Variants in ABLIM3 observed in about 807,000 individuals in gnomAD.
The protein encoded by ABLIM3 is actin binding LIM protein family member 3.
A neutral mutation model predicts 109.5 loss-of-function variants in ABLIM3; 61 were observed. The ratio of observed to expected loss-of-function variants is 0.56; its 90% CI spans 0.45 to 0.69. The LOEUF (loss-of-function observed/expected upper bound fraction) is 0.69. Among genes scored for constraint, ABLIM3 ranks in the 30% least tolerant of loss-of-function variants. The probability of loss-of-function intolerance (pLI) is 0.00; values close to 1 mark genes in which losing one functional copy is unlikely to be tolerated. For synonymous variants in ABLIM3, 300 were observed against 324.8 expected (o/e 0.92, Z 0.82); for missense variants, 796 against 889.5 (o/e 0.89, Z 1.34).
intron 2 of ABLIM3, among the ~76,000 whole-genome samples, chr5:149,146,629 A>G (rs1390227378): frequency 6.6e-6 from 1 of 152,112 alleles, no homozygotes; most frequent in Non-Finnish European, 1.5e-5. Context: ...GGCTGTAGGT[A>G]TGTGGCTTTA....
At chr5:149,209,238 C>T (rs147873151) in intron 6 of ABLIM3, among the ~76,000 whole-genome samples, 2 of 152,202 alleles carry the variant, frequency 1.3e-5, no homozygotes, top group Admixed American at 1.3e-4. Flanking sequence ...CAGAGCTCCT[C>T]TCAAGGAGGC....
At chr5:149,173,716 A>G (rs1356007137) in intron 2 of ABLIM3, among the ~76,000 whole-genome samples, 1 of 152,122 alleles carries the variant, frequency 6.6e-6, no homozygotes, top group Non-Finnish European at 1.5e-5. Context: ...GGCCAGGGGT[A>G]AGGCAAAAAC....
At chr5:149,149,899 C>T (rs994250463) in intron 2 of ABLIM3, among the ~76,000 whole-genome samples, 2 of 152,178 alleles carry the variant, frequency 1.3e-5, no homozygotes, top group African/African-American at 4.8e-5. Context: ...ACAACTGCCC[C>T]TAGCTGGACC....
Position 149,207,116 on chromosome 5 carries a change from C to T in ABLIM3, c.557C>T (p.Thr186Ile), listed in dbSNP as rs755541484. ...TGCCAGACCTGCAGCGTCATCCTCA[C>T]CGGGGAGTATATCAGCAAGTGGGTC... ...FKCQTCSVIL[T>I]GEYISKDGVP... Residue 186 changes from threonine to isoleucine, a missense_variant, in exon 6 of 24, where the codon ACC becomes ATC. Coordinates refer to ENST00000309868, the MANE Select transcript of ABLIM3 (RefSeq NM_014945.5). The T allele has an allele frequency of 6.2e-7, 1 of 1,613,864 alleles. No individual in the cohort carries two copies. The highest frequency in any genetic ancestry group is 1.7e-5 in the Admixed American group (1 of 59,984).
intron 6 of ABLIM3, among the ~76,000 whole-genome samples, chr5:149,209,825 T>C (rs1176887615): frequency 6.6e-6 from 1 of 152,200 alleles, no homozygotes; most frequent in African/African-American, 2.4e-5. Flanking sequence ...TCTTCAGACC[T>C]TGGTCCTCAC....
intron 23 of ABLIM3, among the ~76,000 whole-genome samples, chr5:149,256,231 T>C (rs1754413933): frequency 6.6e-6 from 1 of 152,180 alleles, no homozygotes; most frequent in Non-Finnish European, 1.5e-5. Context: ...CATTCTTTTA[T>C]ATCAAGACTC....
Position 149,192,866 on chromosome 5 carries a change from T to G in ABLIM3, c.152-5353T>G, listed in dbSNP as rs1156434660. ...GACCTGAATTTCAAGTCTGTAGATA[T>G]AACCACCATTTATAGAAAATGTAAA... On this transcript the variant is annotated intron_variant, in intron 3 of 23. Transcript: ENST00000309868. 2.8e-5 allele frequency among the ~76,000 whole-genome samples: 4 copies of G among 145,198 alleles called. No homozygotes were observed. In the East Asian group the frequency reaches 7.7e-4, roughly 28 times the overall value.
chr5:149,176,046 G>A (rs1467114312), intron 2 of ABLIM3, among the ~76,000 whole-genome samples: 1 of 152,172 alleles, frequency 6.6e-6, no homozygotes, highest in Non-Finnish European at 1.5e-5. Context: ...TGCTGACATG[G>A]GAAACTGCAG....
Position 149,247,792 on chromosome 5 carries a change from G to A in ABLIM3, c.1562G>A (p.Gly521Glu). ...TTCCCCGACCCTCAGCTCCAAAGTG[G>A]AATTGGCCGGCTGATTCTGAAGGAA... ...FDRSMHKLQS[G>E]IGRLILKEEM... The change falls in exon 18 of 24, where the codon GGA (glycine) becomes GAA (glutamate). Residue 521 changes from glycine to glutamate, a missense_variant. Coordinates refer to ENST00000309868, the MANE Select transcript of ABLIM3 (RefSeq NM_014945.5). 1 of 1,614,228 alleles carries A rather than the reference G, an allele frequency of 6.2e-7. No individual in the cohort carries two copies. The highest frequency in any genetic ancestry group is 8.5e-7 in the Non-Finnish European group (1 of 1,180,044).
intron 2 of ABLIM3, among the ~76,000 whole-genome samples, chr5:149,149,504 G>T (rs1020101126): frequency 6.6e-6 from 1 of 152,168 alleles, no homozygotes; most frequent in African/African-American, 2.4e-5. Flanking sequence ...TAGCTCCCGG[G>T]AAGCCTACAG....
At chr5:149,215,462 A>C (rs767618090) in intron 7 of ABLIM3, among the ~76,000 whole-genome samples, 12 of 152,080 alleles carry the variant, frequency 7.9e-5, no homozygotes, top group Non-Finnish European at 1.5e-4. Context: ...AGTTTTTAGA[A>C]TAGAGATAAT....
chr5:149,198,285 A>G lies in ABLIM3; in HGVS notation c.218A>G (p.Asp73Gly). 1 of 1,614,226 alleles carries G rather than the reference A, an allele frequency of 6.2e-7. No homozygotes were observed. The highest frequency in any genetic ancestry group is 8.5e-7 in the Non-Finnish European group (1 of 1,180,034). ...FKNQEYICTQ[D>G]YQQLYGTRCD... ...AACCAGGAGTACATCTGCACCCAGG[A>G]CTACCAGCAACTCTATGGCACCCGC... Residue 73 changes from aspartate (D) to glycine (G), a missense_variant, in exon 4 of 24, where the codon GAC (aspartate) becomes GGC (glycine). Coordinates refer to ENST00000309868, the MANE Select transcript of ABLIM3 (RefSeq NM_014945.5). The surrounding 1 kb of genome is among the most constrained non-coding windows in gnomAD (Gnocchi z 4.2).
chr5:149,162,225 T>C (rs1754439567), intron 2 of ABLIM3, among the ~76,000 whole-genome samples: 1 of 152,204 alleles, frequency 6.6e-6, no homozygotes, highest in African/African-American at 2.4e-5. Context: ...TTGCTGGCTG[T>C]GTTTCTTTCA....
chr5:149,259,307 C>A lies in ABLIM3; in HGVS notation c.*903C>A. ...GAAGCCCATGATTGCAGCTTGTATT[C>A]TTTAGCCTTATTACAATCTATGTGC... On this transcript the variant is annotated 3_prime_UTR_variant, in exon 24 of 24. Coordinates refer to ENST00000309868, the MANE Select transcript of ABLIM3 (RefSeq NM_014945.5). 7.1e-7 allele frequency: 1 copy of A among 1,407,508 alleles called. No homozygotes were observed. Among genetic ancestry groups the A allele is most frequent in the Non-Finnish European group, 9.2e-7 (1 of 1,082,630 alleles). The allele number at this position is 1,407,508 out of a possible 1,614,324, so 87.2% of individuals were successfully genotyped here.
intron 2 of ABLIM3, among the ~76,000 whole-genome samples, chr5:149,146,314 T>G (rs1752920575): frequency 6.6e-6 from 1 of 152,226 alleles, no homozygotes; most frequent in African/African-American, 2.4e-5. Context: ...AACTCTTTAG[T>G]TTAATTAGGT....
At chr5:149,172,565 G>A (rs990189111) in intron 2 of ABLIM3, among the ~76,000 whole-genome samples, 4 of 152,170 alleles carry the variant, frequency 2.6e-5, no homozygotes. Flanking sequence ...CCCTCAGATG[G>A]TGATTAAAAG....
At chr5:149,151,183 G>T (rs2127433951) in intron 2 of ABLIM3, among the ~76,000 whole-genome samples, 1 of 152,252 alleles carries the variant, frequency 6.6e-6, no homozygotes, top group South Asian at 2.1e-4. Flanking sequence ...CCTCTCCTTT[G>T]CTTGGAGATG....
At chr5:149,256,533 A>G (rs2010360) in intron 23 of ABLIM3, among the ~76,000 whole-genome samples, 63,669 of 152,052 alleles carry the variant, frequency 0.42, 13,727 homozygotes, top group East Asian at 0.56. Context: ...CCAACTGTGA[A>G]AAGACATTTT....
chr5:149,249,181 T>G (rs1753700989), intron 18 of ABLIM3, among the ~76,000 whole-genome samples: 1 of 152,208 alleles, frequency 6.6e-6, no homozygotes, highest in African/African-American at 2.4e-5. Context: ...CCCAAGGCCA[T>G]GAGCTCTTCC....
Sources: gnomAD v4.1 joint callset for allele counts (sites outside exome capture counted in the v4.1 genomes callset) on GRCh38, gnomAD v4.1.1 for gene constraint, Gnocchi (gnomAD v3.1) non-coding constraint, MANE v1.5 for transcripts, NCBI Gene and HGNC (gene_info 2026-07-23, HGNC 2026-07-21) for gene names.